PPP2R2C: variants seen among roughly 807,000 people sequenced by gnomAD.
PPP2R2C encodes the protein protein phosphatase 2 regulatory subunit Bgamma.
In PPP2R2C, 10 loss-of-function variants were observed where a neutral mutation model predicts 45.3. That is an observed-to-expected ratio of 0.22 (90% CI 0.14 to 0.37). The LOEUF (loss-of-function observed/expected upper bound fraction) is 0.37, where lower values mean the gene tolerates loss of function less well. Ranked by LOEUF, PPP2R2C falls within the 10% of genes least tolerant of loss-of-function variation. PPP2R2C has a pLI of 1.00. For missense variants in PPP2R2C, 308 were observed against 619.7 expected, an observed-to-expected ratio of 0.50 and a Z score of 5.34; for synonymous variants, 257 against 245.4, an observed-to-expected ratio of 1.05 and a Z score of -0.44.
At chr4:6,373,711 C>A (rs1560492331) in intron 4 of PPP2R2C, among the ~76,000 whole-genome samples, 2 of 152,318 alleles carry the variant, frequency 1.3e-5, no homozygotes, top group African/African-American at 4.8e-5. Flanking sequence ...GTGCTGCAGT[C>A]GGAGTGACAA....
intron 1 of PPP2R2C, among the ~76,000 whole-genome samples, chr4:6,465,721 T>C (rs1271357568): frequency 6.6e-6 from 1 of 152,134 alleles, no homozygotes; most frequent in Non-Finnish European, 1.5e-5. Context: ...GCACCTCCAA[T>C]TTTAAATGCA....
chr4:6,557,131 G>C (rs1725428074), intron 1 of PPP2R2C, among the ~76,000 whole-genome samples: 1 of 152,192 alleles, frequency 6.6e-6, no homozygotes. Context: ...TAACTACACT[G>C]TACTTGCTAA....
At chr4:6,453,003 A>T (rs1720821808) in intron 1 of PPP2R2C, among the ~76,000 whole-genome samples, 1 of 152,192 alleles carries the variant, frequency 6.6e-6, no homozygotes, top group Admixed American at 6.5e-5. Context: ...GCTGATCAGG[A>T]TAGAGCAGAA....
At chr4:6,382,774 C>A (rs1284474627) in intron 1 of PPP2R2C, 1 of 783,256 alleles carries the variant, frequency 1.3e-6, no homozygotes, top group East Asian at 7.0e-5. Context: ...CAGCCACTCT[C>A]CCACCTCTCA....
chr4:6,479,118 C>T (rs753336979), intron 2 of PPP2R2C, among the ~76,000 whole-genome samples: 50 of 152,280 alleles, frequency 3.3e-4, no homozygotes, highest in South Asian at 1.5e-3. Flanking sequence ...ATGAACAAAC[C>T]GCACCTTTCT....
intron 1 of PPP2R2C, among the ~76,000 whole-genome samples, chr4:6,547,471 C>T (rs913925226): frequency 3.3e-5 from 5 of 152,154 alleles, no homozygotes; most frequent in African/African-American, 1.2e-4. Context: ...ACACTGGACA[C>T]TGGGTGCCTT....
At chr4:6,353,494 CCCCCCACACCGACAG>C in intron 5 of PPP2R2C, among the ~76,000 whole-genome samples, 2 of 36,704 alleles carry the variant, frequency 5.4e-5, no homozygotes, top group African/African-American at 2.7e-4. Context: ...ACACCAACAA[CCCCCCACACCGACAG>C]CCCCCCACAC....
intron 2 of PPP2R2C, among the ~76,000 whole-genome samples, chr4:6,523,272 C>G (rs1464098001): frequency 6.6e-6 from 1 of 152,206 alleles, no homozygotes; most frequent in Non-Finnish European, 1.5e-5. Flanking sequence ...AGAAAGAACA[C>G]AAGACTTCAG....
At chr4:6,421,201 A>G in intron 1 of PPP2R2C, 1 of 900,572 alleles carries the variant, frequency 1.1e-6, no homozygotes, top group South Asian at 5.1e-5. Flanking sequence ...AGATGCTCCC[A>G]CCTGGACCCA....
intron 1 of PPP2R2C, among the ~76,000 whole-genome samples, chr4:6,446,300 C>A (rs1487267375): frequency 6.6e-6 from 1 of 152,174 alleles, no homozygotes; most frequent in Non-Finnish European, 1.5e-5. Flanking sequence ...CCCACAGACA[C>A]CAAGCACAAT....
chr4:6,463,569 A>T (rs1721437964), intron 1 of PPP2R2C, among the ~76,000 whole-genome samples: 2 of 152,244 alleles, frequency 1.3e-5, no homozygotes, highest in Admixed American at 6.5e-5. Context: ...CCTGGGCAGC[A>T]CAGGGGCCCC....
intron 1 of PPP2R2C, among the ~76,000 whole-genome samples, chr4:6,401,836 G>T (rs181010088): frequency 1.3e-5 from 2 of 152,140 alleles, no homozygotes; most frequent in South Asian, 2.1e-4. Flanking sequence ...TGGGAGAGGG[G>T]GGGTATCTGC....
intron 1 of PPP2R2C, among the ~76,000 whole-genome samples, chr4:6,406,230 G>C (rs1180960838): frequency 6.6e-6 from 1 of 152,170 alleles, no homozygotes; most frequent in African/African-American, 2.4e-5. Flanking sequence ...CCTCCAAAGG[G>C]ATCTAAACCT....
rs550271333 is a variant in PPP2R2C, at chr4:6,459,744, G to A, written c.70+12416C>T. On this transcript the variant is annotated intron_variant, in intron 1 of 8. Coordinates refer to ENST00000382599, the MANE Select transcript of PPP2R2C (RefSeq NM_020416.4). ...AGAGGTTGCAGTGAGCCAAGATCAC[G>A]ACACTGCACTCCAGCCTGACCAACA... is the stretch of plus-strand genomic sequence containing the variant. Among the ~76,000 whole-genome samples the A allele has an allele frequency of 2.1e-3, 315 of 152,136 alleles. 1 individual carries two copies. Among genetic ancestry groups the A allele is most frequent in the African/African-American group, 7.2e-3 (298 of 41,486 alleles).
chr4:6,403,605 A>G (rs1009279884), intron 1 of PPP2R2C, among the ~76,000 whole-genome samples: 10 of 152,072 alleles, frequency 6.6e-5, no homozygotes, highest in African/African-American at 2.4e-4. Flanking sequence ...GTTGTGGAGG[A>G]TTAAAAATAC....
At chr4:6,415,207 G>T (rs1197240282) in intron 1 of PPP2R2C, among the ~76,000 whole-genome samples, 1 of 152,206 alleles carries the variant, frequency 6.6e-6, no homozygotes, top group Non-Finnish European at 1.5e-5. Flanking sequence ...GATCAAACTG[G>T]CCAGCGCCAG....
chr4:6,544,947 T>C (rs1226280716), intron 1 of PPP2R2C, among the ~76,000 whole-genome samples: 7 of 152,340 alleles, frequency 4.6e-5, no homozygotes, highest in Admixed American at 4.6e-4. Context: ...CAGAAGGAGA[T>C]TTCTTAAATT....
At chr4:6,533,587 G>A (rs962409206) in intron 2 of PPP2R2C, among the ~76,000 whole-genome samples, 13 of 152,288 alleles carry the variant, frequency 8.5e-5, no homozygotes, top group South Asian at 2.1e-4. Context: ...TGCCTATGAC[G>A]CACAGCTGCT....
chr4:6,447,500 C>T (rs575721779), intron 1 of PPP2R2C, among the ~76,000 whole-genome samples: 18 of 152,034 alleles, frequency 1.2e-4, no homozygotes, highest in Non-Finnish European at 2.2e-4. Flanking sequence ...AAGGGCCCAG[C>T]GCCAGGTCTC....
Sources: gnomAD v4.1 joint callset for allele counts (sites outside exome capture counted in the v4.1 genomes callset) on GRCh38, gnomAD v4.1.1 for gene constraint, MANE v1.5 for transcripts, NCBI Gene and HGNC (gene_info 2026-07-23, HGNC 2026-07-21) for gene names.